REV3L: variants seen among roughly 807,000 people sequenced by gnomAD.
The protein encoded by REV3L is DNA polymerase zeta catalytic subunit.
REV3L carries 69 observed loss-of-function variants against 299.4 expected under a neutral mutation model. That is an observed-to-expected ratio of 0.23 (90% CI 0.19 to 0.28). The LOEUF is 0.28. Among genes scored for constraint, REV3L ranks in the 10% least tolerant of loss-of-function variants. REV3L has a pLI of 1.00. For missense variants in REV3L, 3,128 were observed against 3,693.8 expected, an observed-to-expected ratio of 0.85 and a Z score of 3.97; for synonymous variants, 1,238 against 1,271.4, an observed-to-expected ratio of 0.97 and a Z score of 0.56.
chr6:111,341,763 G>GC (rs1372467403), intron 21 of REV3L, among the ~76,000 whole-genome samples: 1 of 147,716 alleles, frequency 6.8e-6, no homozygotes, highest in South Asian at 2.1e-4. Context: ...AGTTGGGGGG[G>GC]GTCAGAAGTA....
In REV3L at chr6:111,387,928, C is replaced by T. The variant is rs1781506977; in HGVS notation, c.948-15G>A. ...CTGATAATGTTCTGCTTAATTAAAA[C>T]ATATCCTTTATAACAGACTACATAA... On this transcript the variant is annotated splice_polypyrimidine_tract_variant and intron_variant, in intron 8 of 31. Transcript: ENST00000368802. 3 of 1,613,290 alleles carry T rather than the reference C, an allele frequency of 1.9e-6. No homozygotes were observed. The East Asian group carries it at 6.7e-5, about 36-fold the overall frequency.
In REV3L at chr6:111,451,442, A is replaced by G. The variant is rs189109967; in HGVS notation, c.139+31308T>C. On this transcript the variant is annotated intron_variant, in intron 1 of 31. Transcript: ENST00000368802. ...CAGTAACTCAGAAAATGACTGAAAG[A>G]GAACTTTTAGGTGCACTTTTGACAG... is the stretch of plus-strand genomic sequence containing the variant. Among the ~76,000 whole-genome samples the G allele has an allele frequency of 2.6e-5, 4 of 152,310 alleles. No individual in the cohort carries two copies. In the East Asian group the frequency reaches 5.8e-4, roughly 22 times the overall value.
chr6:111,402,562 T>C (rs1031978276), intron 4 of REV3L, among the ~76,000 whole-genome samples: 13 of 152,202 alleles, frequency 8.5e-5, no homozygotes, highest in African/African-American at 3.1e-4. Context: ...TATTTCAATG[T>C]TGCCTGGCCC....
At chr6:111,309,593 G>T in intron 30 of REV3L, 1 of 312,214 alleles carries the variant, frequency 3.2e-6, no homozygotes, top group Non-Finnish European at 5.8e-6. Flanking sequence ...AGGCCAAGGT[G>T]GTCTTGGAAA....
chr6:111,428,960 G>A (rs1352216914), intron 1 of REV3L, among the ~76,000 whole-genome samples: 1 of 152,060 alleles, frequency 6.6e-6, no homozygotes, highest in South Asian at 2.1e-4. Flanking sequence ...ACACTCAAAG[G>A]TCAAGGACAA....
intron 4 of REV3L, among the ~76,000 whole-genome samples, chr6:111,400,646 C>T (rs1035439416): frequency 2.0e-4 from 31 of 152,142 alleles, no homozygotes; most frequent in African/African-American, 6.8e-4. Flanking sequence ...CAAACATTTT[C>T]TCCCAGTCCA....
chr6:111,483,485 G>T, upstream of REV3L: 1 of 533,904 alleles, frequency 1.9e-6, no homozygotes, highest in Non-Finnish European at 3.5e-6. Flanking sequence ...AAGGGGCGGC[G>T]GAGCACCGAT....
chr6:111,340,700 GT>G (rs1324410341), intron 21 of REV3L, among the ~76,000 whole-genome samples: 22 of 152,062 alleles, frequency 1.4e-4, no homozygotes, highest in Admixed American at 1.3e-3. Flanking sequence ...TTCACTTAAA[GT>G]TAAGAATGTA....
chr6:111,373,945 T>C lies in REV3L; in HGVS notation c.4410A>G (p.Ile1470Met). ...AGCCCCTTTGCTTTTGCTCCCATGCTATTTGTTTGATTGGACTTCTCAAGG... is the reference window on the plus strand; with the variant it reads ...AGCCCCTTTGCTTTTGCTCCCATGCCATTTGTTTGATTGGACTTCTCAAGG... ...VTSLRSPIKQ[I>M]AWEQKQRGFI... The change falls in exon 13 of 32, where the codon ATA becomes ATG. Residue 1470 changes from isoleucine to methionine, a missense_variant. Ile to Met is a conservative substitution (Grantham distance 10, BLOSUM62 1). Around this residue, in one of 9 missense-constraint regions of REV3L, gnomAD observed 2,409 missense variants for 2,611.8 expected, o/e 0.92. Coordinates refer to ENST00000368802, the MANE Select transcript of REV3L (RefSeq NM_001372078.1). The C allele has an allele frequency of 6.2e-7, 1 of 1,614,176 alleles. No homozygotes were observed.
intron 19 of REV3L, 34 bp downstream of exon 19, chr6:111,351,642 A>G (rs1356332020): frequency 6.7e-7 from 1 of 1,492,598 alleles, no homozygotes; most frequent in South Asian, 1.2e-5. Context: ...TTTGCTCTGT[A>G]GTTGAATGAC....
intron 1 of REV3L, among the ~76,000 whole-genome samples, chr6:111,437,091 ATAAC>A (rs1477065102): frequency 1.3e-5 from 2 of 152,344 alleles, no homozygotes; most frequent in South Asian, 4.1e-4. Flanking sequence ...AAGTCAGACA[ATAAC>A]TAGTGTTGTG....
chr6:111,472,229 A>G, intron 1 of REV3L: 2 of 660,888 alleles, frequency 3.0e-6, no homozygotes, highest in Non-Finnish European at 4.2e-6. Flanking sequence ...TCACATATCA[A>G]CATGTATTCT....
intron 3 of REV3L, among the ~76,000 whole-genome samples, chr6:111,410,406 A>T (rs1198311696): frequency 6.6e-6 from 1 of 152,228 alleles, no homozygotes; most frequent in South Asian, 2.1e-4. Context: ...AAAACACTTA[A>T]GCCTCTTTTA....
intron 9 of REV3L, among the ~76,000 whole-genome samples, chr6:111,382,740 C>G (rs1780957377): frequency 6.6e-6 from 1 of 152,184 alleles, no homozygotes; most frequent in South Asian, 2.1e-4. Flanking sequence ...GTACACGCGC[C>G]TGGTGAGAGA....
chr6:111,431,655 C>T (rs571337089), intron 1 of REV3L: 26 of 873,028 alleles, frequency 3.0e-5, no homozygotes, highest in Non-Finnish European at 4.0e-5. Flanking sequence ...TAAGCACATA[C>T]GGAGTTTGAA....
chr6:111,341,372 A>T (rs548263916), intron 21 of REV3L, among the ~76,000 whole-genome samples: 2 of 152,278 alleles, frequency 1.3e-5, no homozygotes, highest in East Asian at 3.9e-4. Flanking sequence ...TTCTATTTCT[A>T]TAAGGCTTTG....
intron 1 of REV3L, among the ~76,000 whole-genome samples, chr6:111,455,466 T>A (rs896208004): frequency 6.6e-5 from 10 of 152,198 alleles, no homozygotes; most frequent in Non-Finnish European, 1.0e-4. Flanking sequence ...GGTAGGCAGG[T>A]GCTCGATCAT....
chr6:111,473,326 G>A (rs920996121), intron 1 of REV3L, among the ~76,000 whole-genome samples: 11 of 151,578 alleles, frequency 7.3e-5, no homozygotes, highest in African/African-American at 2.7e-4. Flanking sequence ...TTCCCAAAGT[G>A]CTGGGATTAT....
chr6:111,476,420 G>A (rs1792949182), intron 1 of REV3L, among the ~76,000 whole-genome samples: 1 of 152,154 alleles, frequency 6.6e-6, no homozygotes, highest in Non-Finnish European at 1.5e-5. Context: ...GCCTCCCAAA[G>A]TGTTGGGATT....
Sources: allele counts gnomAD v4.1 joint callset (sites outside exome capture counted in the v4.1 genomes callset), GRCh38; gene constraint gnomAD v4.1.1; regional missense constraint gnomAD v4.1.1; transcripts MANE v1.5; gene names NCBI Gene and HGNC (gene_info 2026-07-23, HGNC 2026-07-21).